HAS3: variants seen among roughly 807,000 people sequenced by gnomAD.
The protein encoded by HAS3 is hyaluronan synthase 3, also known as HA synthase 3.
In HAS3, 27 loss-of-function variants were observed where a neutral mutation model predicts 50.3. The ratio of observed to expected loss-of-function variants is 0.54; its 90% confidence interval spans 0.40 to 0.74. The LOEUF (loss-of-function observed/expected upper bound fraction) is 0.74, where lower values mean the gene tolerates loss of function less well. HAS3 is among the 30% of genes least tolerant of loss of function. The pLI is 0.00. For missense variants in HAS3, 517 were observed against 742.8 expected (o/e 0.70, Z 3.53); for synonymous variants, 339 against 310.9 (o/e 1.09, Z -0.95).
the HAS3 span, among the ~76,000 whole-genome samples, chr16:69,085,497 T>G: frequency 6.6e-6 from 1 of 152,154 alleles, no homozygotes; most frequent in African/African-American, 2.4e-5. Context: ...ACTTCTGGAC[T>G]CAAGCAGTCC....
At chr16:69,118,690 C>A (rs1283965863), downstream of HAS3, 5 of 662,464 alleles carry the variant, frequency 7.5e-6, no homozygotes, top group Non-Finnish European at 1.1e-5. Context: ...TAACATCTCA[C>A]CTTCAGTCAA....
At chr16:69,100,276 A>G in the HAS3 span, among the ~76,000 whole-genome samples, 1 of 152,214 alleles carries the variant, frequency 6.6e-6, no homozygotes, top group Non-Finnish European at 1.5e-5. Flanking sequence ...ACTTTGAATT[A>G]TGTATTAACT....
At position 69,107,980 on chromosome 16, in the gene HAS3, T is replaced by C. The variant is rs909245592; in HGVS notation, c.1-1416T>C. 6.6e-6 allele frequency among the ~76,000 whole-genome samples: 1 copy of C among 152,242 alleles called. No homozygotes were observed. Among genetic ancestry groups the C allele is most frequent in the South Asian group, 2.1e-4 (1 of 4,836 alleles). On this transcript the variant is annotated intron_variant, in intron 1 of 3. Coordinates refer to ENST00000569188, the MANE Select transcript of HAS3 (RefSeq NM_001199280.2). The surrounding 1 kb of genome is among the most constrained non-coding windows in gnomAD (Gnocchi z 5.5). ...GTGACTGCGTGTTCTTCGTCCCTTC[T>C]ACGTGAGAGGCGTCCCGACAGGAAA... is the stretch of plus-strand genomic sequence containing the variant.
At chr16:69,089,593 G>A in the HAS3 span, among the ~76,000 whole-genome samples, 3 of 152,204 alleles carry the variant, frequency 2.0e-5, no homozygotes, top group African/African-American at 4.8e-5. Context: ...CTGAATCACC[G>A]CTTGGGGGTT....
chr16:69,093,669 T>A, the HAS3 span, among the ~76,000 whole-genome samples: 1 of 151,758 alleles, frequency 6.6e-6, no homozygotes, highest in Admixed American at 6.6e-5. Flanking sequence ...TAGCTGGGAT[T>A]ACAGACATGT....
chr16:69,114,812 G>A lies in HAS3; in HGVS notation c.1208G>A (p.Arg403Gln). ...GCCACGGTTATACAGCTTTTCTACC[G>A]GGGCCGCATCTGGAACATTCTCCTC... ...LIATVIQLFY[R>Q]GRIWNILLFL... Residue 403 changes from arginine (R) to glutamine (Q), a missense_variant, in exon 4 of 4, where the codon CGG becomes CAG. Coordinates refer to ENST00000569188, the MANE Select transcript of HAS3 (RefSeq NM_001199280.2). The surrounding 1 kb of genome is among the most constrained non-coding windows in gnomAD (Gnocchi z 6.4). 1 of 1,613,958 alleles carries A rather than the reference G, an allele frequency of 6.2e-7. No homozygotes were observed. The highest frequency in any genetic ancestry group is 8.5e-7 in the Non-Finnish European group (1 of 1,180,002).
At chr16:69,096,742 C>G in the HAS3 span, among the ~76,000 whole-genome samples, 1 of 151,152 alleles carries the variant, frequency 6.6e-6, no homozygotes, top group Non-Finnish European at 1.5e-5. Context: ...CTCAGCCTCC[C>G]GAGTAACTGA....
At chr16:69,086,107 A>G in the HAS3 span, among the ~76,000 whole-genome samples, 1 of 149,410 alleles carries the variant, frequency 6.7e-6, no homozygotes. Flanking sequence ...GGCTCAAGCA[A>G]TCCTCCTTAC....
chr16:69,115,126 A>G lies in HAS3; in HGVS notation c.1522A>G (p.Thr508Ala), dbSNP rs745999540. 6.2e-7 allele frequency: 1 copy of G among 1,610,956 alleles called. No individual in the cohort carries two copies. Among genetic ancestry groups the G allele is most frequent in the Non-Finnish European group, 8.5e-7 (1 of 1,178,246 alleles). Residue 508 changes from threonine to alanine, a missense_variant, in exon 4 of 4, where the codon ACA (threonine) becomes GCA (alanine). By Grantham distance (58) the Thr-to-Ala change is moderately conservative. Coordinates refer to ENST00000569188, the MANE Select transcript of HAS3 (RefSeq NM_001199280.2). The part of the protein sequence containing the change: ...TAYCQDLFSE[T>A]ELAFLVSGAI... ...TTATTGCCAGGACCTGTTCAGTGAG[A>G]CAGAGCTAGCCTTCCTTGTCTCTGG...
In HAS3 at chr16:69,114,914, T is replaced by A; in HGVS notation, c.1310T>A (p.Ile437Asn). 1 of 1,614,098 alleles carries A rather than the reference T, an allele frequency of 6.2e-7. No homozygotes were observed. Residue 437 changes from isoleucine (I) to asparagine (N), a missense_variant, in exon 4 of 4, where the codon ATC becomes AAC. Ile to Asn is a moderately radical substitution (Grantham distance 149). Transcript: ENST00000569188. The surrounding 1 kb of genome is among the most constrained non-coding windows in gnomAD (Gnocchi z 6.4). ...TTCCTTCGGGGCAATGCAGAGATGA[T>A]CTTCATGTCCCTCTACTCCCTCCTC... ...ACFLRGNAEM[I>N]FMSLYSLLYM...
the HAS3 span, among the ~76,000 whole-genome samples, chr16:69,098,839 AT>A: frequency 6.8e-6 from 1 of 147,686 alleles, no homozygotes; most frequent in Admixed American, 6.8e-5. Flanking sequence ...CTAATTTTTT[AT>A]TTTTAGTAGA....
the HAS3 span, among the ~76,000 whole-genome samples, chr16:69,091,211 C>A: frequency 6.6e-6 from 1 of 152,142 alleles, no homozygotes; most frequent in African/African-American, 2.4e-5. Flanking sequence ...TAGTGCCCCG[C>A]ATCATTTTTT....
upstream of HAS3, among the ~76,000 whole-genome samples, chr16:69,100,964 C>A (rs1408255807): frequency 6.6e-6 from 1 of 152,142 alleles, no homozygotes. Context: ...ACCTCCACCT[C>A]CAGAAGGCAG....
At chr16:69,118,273 C>T (rs1246865159), downstream of HAS3, 4 of 870,796 alleles carry the variant, frequency 4.6e-6, no homozygotes, top group Middle Eastern at 5.9e-4. Flanking sequence ...AAGGGAGCTG[C>T]AGGCCCAGTC....
chr16:69,099,261 G>A, the HAS3 span, among the ~76,000 whole-genome samples: 7 of 151,908 alleles, frequency 4.6e-5, no homozygotes, highest in South Asian at 8.3e-4. Context: ...GTGAGCCACC[G>A]CGCCCGGCCA....
upstream of HAS3, among the ~76,000 whole-genome samples, chr16:69,100,960 A>C (rs1023378876): frequency 1.3e-5 from 2 of 151,800 alleles, no homozygotes; most frequent in Non-Finnish European, 2.9e-5. Context: ...GCTCACCTCC[A>C]CCTCCAGAAG....
intron 1 of HAS3, among the ~76,000 whole-genome samples, chr16:69,108,763 G>A (rs1960895149): frequency 6.6e-6 from 1 of 152,236 alleles, no homozygotes; most frequent in South Asian, 2.1e-4. Flanking sequence ...GAAAGTGGAG[G>A]ACACAGGGAA....
rs1365889146 is a variant in HAS3 at position 69,106,938 on chromosome 16, T to A, written c.-1+1151T>A. ...GCTGCACACCAGCAGCCCCTCAAAGTTTCGGAGGCTTGATGGAGAAGCGTG... is the reference window on the plus strand; with the variant it reads ...GCTGCACACCAGCAGCCCCTCAAAGATTCGGAGGCTTGATGGAGAAGCGTG... On this transcript the variant is annotated intron_variant, in intron 1 of 3. Transcript: ENST00000569188. The surrounding 1 kb of genome is among the most constrained non-coding windows in gnomAD (Gnocchi z 5.5). 1 of 152,210 alleles carries A rather than the reference T, an allele frequency of 6.6e-6. No homozygotes were observed. Among genetic ancestry groups the A allele is most frequent in the Non-Finnish European group, 1.5e-5 (1 of 68,046 alleles). The allele number at this position is 152,210 out of a possible 1,614,324, so 9.4% of individuals were successfully genotyped here.
the HAS3 span, among the ~76,000 whole-genome samples, chr16:69,100,151 T>C: frequency 6.6e-6 from 1 of 152,042 alleles, no homozygotes; most frequent in Non-Finnish European, 1.5e-5. Context: ...TCTTCAAACA[T>C]AGCACCTGGA....
Sources: gnomAD v4.1 joint callset for allele counts (sites outside exome capture counted in the v4.1 genomes callset) on GRCh38, gnomAD v4.1.1 for gene constraint, Gnocchi (gnomAD v3.1) non-coding constraint, MANE v1.5 for transcripts, NCBI Gene and HGNC (gene_info 2026-07-23, HGNC 2026-07-21) for gene names.